ADAMTS12: variants seen among roughly 807,000 people sequenced by gnomAD.
The protein encoded by ADAMTS12 is A disintegrin and metalloproteinase with thrombospondin motifs 12.
ADAMTS12 carries 118 observed loss-of-function variants against 167.8 expected under a neutral mutation model. The ratio of observed to expected loss-of-function variants is 0.70; its 90% CI spans 0.61 to 0.82. The LOEUF (loss-of-function observed/expected upper bound fraction) is 0.82. ADAMTS12 is among the 40% of genes least tolerant of loss of function. The pLI is 0.00. For synonymous variants in ADAMTS12, 704 were observed against 716.9 expected, an observed-to-expected ratio of 0.98 and a Z score of 0.29; for missense variants, 1,916 against 1,998.8, an observed-to-expected ratio of 0.96 and a Z score of 0.79.
intron 2 of ADAMTS12, among the ~76,000 whole-genome samples, chr5:33,854,113 T>C (rs971707392): frequency 6.6e-6 from 1 of 152,184 alleles, no homozygotes; most frequent in African/African-American, 2.4e-5. Context: ...TACTGAAAGA[T>C]CACCTCCAAT....
chr5:33,806,529 G>T (rs1337559846), intron 2 of ADAMTS12, among the ~76,000 whole-genome samples: 1 of 152,202 alleles, frequency 6.6e-6, no homozygotes, highest in African/African-American at 2.4e-5. Context: ...TGAAATCCAA[G>T]TCAAGGAGTC....
chr5:33,549,386 G>C lies in ADAMTS12; in HGVS notation c.4126-3C>G. The C allele has an allele frequency of 6.2e-7, 1 of 1,604,598 alleles. No homozygotes were observed. Among genetic ancestry groups the C allele is most frequent in the East Asian group, 2.2e-5 (1 of 44,588 alleles). On this transcript the variant is annotated splice_region_variant and splice_polypyrimidine_tract_variant and intron_variant, in intron 20 of 23. Transcript: ENST00000504830. ...CCCCCACTGCAGTTTCTGGAGCACT[G>C]TATGGAGAGAAAAATCAAAGGCGAT...
chr5:33,828,537 TA>T (rs1748176146), intron 2 of ADAMTS12, among the ~76,000 whole-genome samples: 1 of 152,214 alleles, frequency 6.6e-6, no homozygotes, highest in Admixed American at 6.5e-5. Flanking sequence ...GGATCTTTAT[TA>T]AGAAATATGT....
Position 33,684,010 on chromosome 5 carries a change from C to A in ADAMTS12, c.680G>T (p.Trp227Leu). Residue 227 changes from tryptophan (W) to leucine (L), a missense_variant, in exon 4 of 24, where the codon TGG (tryptophan) becomes TTG (leucine). Coordinates refer to ENST00000504830, the MANE Select transcript of ADAMTS12 (RefSeq NM_030955.4). ...TCTGCTTGGCAAGTTGTGCCTCTCCCACTTCTCCCGCCATAGCTCTTGCTT... is the reference window on the plus strand; with the variant it reads ...TCTGCTTGGCAAGTTGTGCCTCTCCAACTTCTCCCGCCATAGCTCTTGCTT... ...SQKQELWREKWERHNLPSRSL... is the reference protein window; with the variant it reads ...SQKQELWREKLERHNLPSRSL... 6.2e-7 allele frequency: 1 copy of A among 1,605,710 alleles called. No individual in the cohort carries two copies. Among genetic ancestry groups the A allele is most frequent in the Non-Finnish European group, 8.5e-7 (1 of 1,175,338 alleles).
At position 33,864,756 on chromosome 5, in the gene ADAMTS12, G is replaced by A. The variant is rs547408449; in HGVS notation, c.489+16363C>T. 7.0e-4 allele frequency among the ~76,000 whole-genome samples: 106 copies of A among 152,154 alleles called. 1 individual carries two copies. The highest frequency in any genetic ancestry group is 1.9e-3 in the South Asian group (9 of 4,814). On this transcript the variant is annotated intron_variant, in intron 2 of 23. Transcript: ENST00000504830. ...ACACAGGAACAGAAAACCAAACACCGCATGTTCTCACTCTTAAGTGGGAGC... is the reference window on the plus strand; with the variant it reads ...ACACAGGAACAGAAAACCAAACACCACATGTTCTCACTCTTAAGTGGGAGC...
intron 2 of ADAMTS12, among the ~76,000 whole-genome samples, chr5:33,777,092 A>G (rs1041948591): frequency 5.3e-5 from 8 of 152,276 alleles, no homozygotes; most frequent in African/African-American, 1.4e-4. Flanking sequence ...ATTCTTCCAA[A>G]CATTTAAAGA....
Position 33,637,702 on chromosome 5 carries a change from T to C in ADAMTS12, c.1763A>G (p.Tyr588Cys), listed in dbSNP as rs1376851296. 1 of 1,613,538 alleles carries C rather than the reference T, an allele frequency of 6.2e-7. No individual in the cohort carries two copies. The highest frequency in any genetic ancestry group is 8.5e-7 in the Non-Finnish European group (1 of 1,179,670). The change falls in exon 12 of 24, where the codon TAT becomes TGT. Residue 588 changes from tyrosine to cysteine, a missense_variant. By Grantham distance (194) the Tyr-to-Cys change is radical. Transcript: ENST00000504830. ...ACAGGGGTGGACGTTGCACAAGCGA[T>C]AGCGTTTTCTTTCTCCAGTGCAATA... ...GKYCTGERKRYRLCNVHPCRS... is the reference protein window; with the variant it reads ...GKYCTGERKRCRLCNVHPCRS...
intron 2 of ADAMTS12, among the ~76,000 whole-genome samples, chr5:33,757,468 C>G (rs1486514854): frequency 6.6e-6 from 1 of 152,156 alleles, no homozygotes; most frequent in South Asian, 2.1e-4. Flanking sequence ...GAATTGGAAG[C>G]TGGGTTCCAC....
chr5:33,884,076 ATC>A (rs1750554650), intron 1 of ADAMTS12, among the ~76,000 whole-genome samples: 1 of 152,194 alleles, frequency 6.6e-6, no homozygotes, highest in African/African-American at 2.4e-5. Context: ...TAACGGTGTC[ATC>A]TAGCAATGGT....
At chr5:33,565,703 A>G (rs1455318668) in intron 19 of ADAMTS12, among the ~76,000 whole-genome samples, 1 of 144,166 alleles carries the variant, frequency 6.9e-6, no homozygotes, top group South Asian at 2.2e-4. Flanking sequence ...GTGAGCTATA[A>G]TGTGTTCAAT....
At chr5:33,782,212 T>C (rs1217087950) in intron 2 of ADAMTS12, among the ~76,000 whole-genome samples, 1 of 152,098 alleles carries the variant, frequency 6.6e-6, no homozygotes, top group Non-Finnish European at 1.5e-5. Context: ...TAGGAAATAA[T>C]AGCACACAGG....
In ADAMTS12 at chr5:33,711,350, T is replaced by A. The variant is rs145711836; in HGVS notation, c.635-27295A>T. Among the ~76,000 whole-genome samples, 317 of 152,316 alleles carry A rather than the reference T, an allele frequency of 2.1e-3. 2 individuals carry two copies. The highest frequency in any genetic ancestry group is 7.4e-3 in the African/African-American group (306 of 41,574). Reference sequence around the variant, plus strand: ...AGCCCAGTTGCTAGATATCATACAATTTTTACAGCTGACTGGCTGTTTTTA... The same window carrying A: ...AGCCCAGTTGCTAGATATCATACAAATTTTACAGCTGACTGGCTGTTTTTA... On this transcript the variant is annotated intron_variant, in intron 3 of 23. Transcript: ENST00000504830.
At chr5:33,736,211 T>C (rs1744370132) in intron 3 of ADAMTS12, among the ~76,000 whole-genome samples, 2 of 151,990 alleles carry the variant, frequency 1.3e-5, no homozygotes, top group Non-Finnish European at 2.9e-5. Flanking sequence ...CACATGCGTA[T>C]ACCACCATGC....
chr5:33,834,240 G>C (rs1188818409), intron 2 of ADAMTS12, among the ~76,000 whole-genome samples: 1 of 152,134 alleles, frequency 6.6e-6, no homozygotes, highest in Non-Finnish European at 1.5e-5. Flanking sequence ...GGTACTGGAG[G>C]TTAGGACTTC....
At chr5:33,885,809 G>A (rs1294751942) in intron 1 of ADAMTS12, among the ~76,000 whole-genome samples, 1 of 152,186 alleles carries the variant, frequency 6.6e-6, no homozygotes, top group Non-Finnish European at 1.5e-5. Context: ...TCAGGCAATA[G>A]GAAAGCAAAA....
chr5:33,583,802 T>C (rs1177054343), intron 18 of ADAMTS12, among the ~76,000 whole-genome samples: 2 of 152,206 alleles, frequency 1.3e-5, no homozygotes, highest in African/African-American at 4.8e-5. Context: ...TTTTGAGAAA[T>C]GTCTATTGAA....
chr5:33,857,994 A>G (rs1717417124), intron 2 of ADAMTS12, among the ~76,000 whole-genome samples: 2 of 152,250 alleles, frequency 1.3e-5, no homozygotes, highest in South Asian at 4.1e-4. Context: ...AAAAGAATTC[A>G]ACAAGACCAT....
At chr5:33,849,548 A>G (rs1318370921) in intron 2 of ADAMTS12, among the ~76,000 whole-genome samples, 1 of 140,486 alleles carries the variant, frequency 7.1e-6, no homozygotes, top group Non-Finnish European at 1.5e-5. Flanking sequence ...ATATACATAT[A>G]TGTACTGCAT....
intron 20 of ADAMTS12, among the ~76,000 whole-genome samples, chr5:33,560,820 A>G (rs1347392015): frequency 6.6e-6 from 1 of 150,770 alleles, no homozygotes; most frequent in Admixed American, 6.6e-5. Context: ...ACCTAATGTA[A>G]ATGACGAGTT....
Sources: allele counts gnomAD v4.1 joint callset (sites outside exome capture counted in the v4.1 genomes callset), GRCh38; gene constraint gnomAD v4.1.1; transcripts MANE v1.5; gene names NCBI Gene and HGNC (gene_info 2026-07-23, HGNC 2026-07-21).